Variants in SLC35E2B observed in about 807,000 individuals in gnomAD.
SLC35E2B encodes solute carrier family 35, member E2B.
In SLC35E2B, 18 loss-of-function variants were observed where a neutral mutation model predicts 32.4. The observed-to-expected ratio is 0.56, with a 90% CI of 0.38 to 0.82. The LOEUF (loss-of-function observed/expected upper bound fraction) is 0.82. Ranked by LOEUF, SLC35E2B falls within the 40% of genes least tolerant of loss-of-function variation. The probability of loss-of-function intolerance (pLI) is 0.00; values close to 1 mark genes in which losing one functional copy is unlikely to be tolerated. For synonymous variants in SLC35E2B, 132 were observed against 209.1 expected, an observed-to-expected ratio of 0.63 and a Z score of 3.18; for missense variants, 263 against 469.5, an observed-to-expected ratio of 0.56 and a Z score of 4.06.
chr1:1,686,471 T>C (rs1485376598), intron 2 of SLC35E2B, among the ~76,000 whole-genome samples: 3 of 151,092 alleles, frequency 2.0e-5, no homozygotes, highest in African/African-American at 7.3e-5. Context: ...AGTCTTGTAG[T>C]GAAAAAATAA....
At chr1:1,670,915 G>A (rs775811462) in intron 6 of SLC35E2B, 5 of 152,314 alleles carry the variant, frequency 3.3e-5, no homozygotes, top group Middle Eastern at 3.4e-3. Flanking sequence ...TTAACAGCAC[G>A]GCAGGGAGGT....
In SLC35E2B at chr1:1,661,988, TCCAA is replaced by T. The variant is rs1229592514; in HGVS notation, c.*3790_*3793del. 2.8e-5 allele frequency: 9 copies of T among 323,584 alleles called. No individual in the cohort carries two copies. Among genetic ancestry groups the T allele is most frequent in the African/African-American group, 5.8e-5 (2 of 34,742 alleles). 20.0% of individuals were successfully genotyped at this position (323,584 alleles called of 1,614,324 possible). A position where few individuals can be genotyped will look rare whatever the true frequency, so the allele number is the denominator to read the frequency against. On this transcript the variant is annotated 3_prime_UTR_variant, in exon 10 of 10. Coordinates refer to ENST00000617444, the MANE Select transcript of SLC35E2B (RefSeq NM_001290264.2). Reference sequence around the variant, plus strand: ...AAAAGGACTGCCAGGCGGAACAGTTTCCAACCGAGTTTTCGTTGAGTGAGGATCC... The same window carrying T: ...AAAAGGACTGCCAGGCGGAACAGTTTCCGAGTTTTCGTTGAGTGAGGATCC...
At position 1,665,556 on chromosome 1, in the gene SLC35E2B, G is replaced by A. The variant is rs917479462; in HGVS notation, c.*226C>T. Reference sequence around the variant, plus strand: ...CACATTACACGGGGATGGGCTCGGCGGACACAGTCAGCTACTGGTCTGGTC... The same window carrying A: ...CACATTACACGGGGATGGGCTCGGCAGACACAGTCAGCTACTGGTCTGGTC... On this transcript the variant is annotated 3_prime_UTR_variant, in exon 10 of 10. Coordinates refer to ENST00000617444, the MANE Select transcript of SLC35E2B (RefSeq NM_001290264.2). 22 of 669,358 alleles carry A rather than the reference G, an allele frequency of 3.3e-5. No individual in the cohort carries two copies. The highest frequency in any genetic ancestry group is 5.4e-5 in the African/African-American group (3 of 55,182). The allele number at this position is 669,358 out of a possible 1,614,324, so 41.5% of individuals were successfully genotyped here.
rs138550102 is a variant in SLC35E2B at position 1,671,226 on chromosome 1, C to T, written c.707+283G>A. On this transcript the variant is annotated intron_variant, in intron 6 of 9. Coordinates refer to ENST00000617444, the MANE Select transcript of SLC35E2B (RefSeq NM_001290264.2). ...CCGCATGAAGACACACCGAGCGAGA[C>T]ACACTGCTGAGCGTATCTGCGTATT... 4.3e-4 allele frequency: 105 copies of T among 242,826 alleles called. 2 individuals are homozygous for T. Among genetic ancestry groups the T allele is most frequent in the African/African-American group, 2.1e-3 (96 of 44,822 alleles). 15.0% of individuals were successfully genotyped at this position (242,826 alleles called of 1,614,324 possible). A position where few individuals can be genotyped will look rare whatever the true frequency, so the allele number is the denominator to read the frequency against.
At chr1:1,669,826 C>G in intron 7 of SLC35E2B, 90 bp from the exon 8 acceptor site, 1 of 1,345,418 alleles carries the variant, frequency 7.4e-7, no homozygotes, top group Non-Finnish European at 1.0e-6. Flanking sequence ...CCAGGCACCC[C>G]AGCCCAGAAG....
At chr1:1,689,219 G>A (rs974524686) in intron 2 of SLC35E2B, among the ~76,000 whole-genome samples, 7 of 152,054 alleles carry the variant, frequency 4.6e-5, no homozygotes, top group African/African-American at 1.4e-4. Context: ...GAGGCACCAC[G>A]AGTTGCTGAA....
intron 7 of SLC35E2B, 97 bp downstream of exon 7, chr1:1,669,997 CAGGA>C: frequency 1.7e-6 from 2 of 1,143,286 alleles, no homozygotes; most frequent in East Asian, 5.1e-5. Flanking sequence ...CCAAGCCAGA[CAGGA>C]AGGGAGTCAG....
At chr1:1,688,138 A>G (rs1231908271) in intron 2 of SLC35E2B, among the ~76,000 whole-genome samples, 1 of 152,104 alleles carries the variant, frequency 6.6e-6, no homozygotes, top group East Asian at 1.9e-4. Flanking sequence ...CAGTAAAACA[A>G]CAGCCCACAA....
At chr1:1,668,716 A>T (rs1367351951) in intron 8 of SLC35E2B, among the ~76,000 whole-genome samples, 1 of 152,146 alleles carries the variant, frequency 6.6e-6, no homozygotes, top group East Asian at 1.9e-4. Flanking sequence ...CAAATGGACA[A>T]CAAGCACATG....
Position 1,664,717 on chromosome 1 carries a change from G to A in SLC35E2B, c.*1065C>T, listed in dbSNP as rs1643496615. 8 of 886,706 alleles carry A rather than the reference G, an allele frequency of 9.0e-6. 2 individuals are homozygous for A. The Middle Eastern group carries it at 1.7e-3, about 188-fold the overall frequency. The allele number at this position is 886,706 out of a possible 1,614,324, so 54.9% of individuals were successfully genotyped here. A position where few individuals can be genotyped will look rare whatever the true frequency, so the allele number is the denominator to read the frequency against. Reference sequence around the variant, plus strand: ...AGGGTGGGCGCCTGACACACACCACGCGCCCCAGAAACATTCAGTGTGGAC... The same window carrying A: ...AGGGTGGGCGCCTGACACACACCACACGCCCCAGAAACATTCAGTGTGGAC... On this transcript the variant is annotated 3_prime_UTR_variant, in exon 10 of 10. Coordinates refer to ENST00000617444, the MANE Select transcript of SLC35E2B (RefSeq NM_001290264.2).
intron 2 of SLC35E2B, among the ~76,000 whole-genome samples, chr1:1,681,789 T>C (rs1217335361): frequency 6.7e-6 from 1 of 150,008 alleles, no homozygotes; most frequent in Non-Finnish European, 1.5e-5. Flanking sequence ...ATGGAGACTA[T>C]CCTGACTAAC....
At chr1:1,684,849 T>C (rs1643933006) in intron 2 of SLC35E2B, among the ~76,000 whole-genome samples, 1 of 143,560 alleles carries the variant, frequency 7.0e-6, no homozygotes, top group Non-Finnish European at 1.5e-5. Flanking sequence ...TTCCCACCTG[T>C]AATCCCAGCA....
At chr1:1,669,778 G>T in intron 7 of SLC35E2B, 42 bp from the exon 8 acceptor site, 1 of 1,543,668 alleles carries the variant, frequency 6.5e-7, no homozygotes, top group Non-Finnish European at 8.8e-7. Context: ...TGTCGGGACA[G>T]GCCGAGTTCA....
At position 1,665,941 on chromosome 1, in the gene SLC35E2B, C is replaced by T. The variant is rs371652439; in HGVS notation, c.1059G>A (p.Ser353=). The change falls in exon 10 of 10, where the codon TCG becomes TCA. Residue 353 remains serine (S), a synonymous_variant. Transcript: ENST00000617444. The stretch of plus-strand genomic sequence containing the variant: ...CGGTCACCAGGGCTGTGCCAACGGC[C>T]GACAAGCTGGTGATCTTGTTGCCGA... The part of the protein sequence containing the change: ...IVFGNKITSL[S]AVGTALVTVG... The T allele has an allele frequency of 1.0e-4, 157 of 1,551,514 alleles. No homozygotes were observed. Among genetic ancestry groups the T allele is most frequent in the South Asian group, 2.6e-4 (22 of 84,056 alleles).
At position 1,677,252 on chromosome 1, in the gene SLC35E2B, A is replaced by G. The variant is rs1177671088; in HGVS notation, c.-147-406T>C. On this transcript the variant is annotated intron_variant, in intron 2 of 9. Transcript: ENST00000617444. ...CAAGAAAAGAAAAAAAGAAAATGCA[A>G]TCGTTCACTGTCCAAAGATTTTTAG... Among the ~76,000 whole-genome samples the G allele has an allele frequency of 3.7e-5, 5 of 136,154 alleles. No individual in the cohort carries two copies. In the Admixed American group the frequency reaches 3.8e-4, roughly 10 times the overall value. 89.3% of individuals were successfully genotyped at this position (136,154 alleles called of 152,430 possible). A position where few individuals can be genotyped will look rare whatever the true frequency, so the allele number is the denominator to read the frequency against.
In SLC35E2B at chr1:1,683,992, C is replaced by T. The variant is rs969812218; in HGVS notation, c.-148+6984G>A. 3.3e-5 allele frequency among the ~76,000 whole-genome samples: 5 copies of T among 152,146 alleles called. No individual in the cohort carries two copies. The East Asian group carries it at 7.7e-4, about 23-fold the overall frequency. ...AAGTCAAACCTTCATGTTTGGCCAG[C>T]GGCGGTGGCCCACACCTAGAACCCC... On this transcript the variant is annotated intron_variant, in intron 2 of 9. Coordinates refer to ENST00000617444, the MANE Select transcript of SLC35E2B (RefSeq NM_001290264.2).
At chr1:1,668,534 A>G in intron 8 of SLC35E2B, 62 bp from the exon 9 acceptor site, 1 of 1,613,696 alleles carries the variant, frequency 6.2e-7, no homozygotes, top group Non-Finnish European at 8.5e-7. Flanking sequence ...ATCATCCACC[A>G]AAAACGCCCA....
chr1:1,692,301 A>G (rs1293724983), intron 1 of SLC35E2B, 148 bp downstream of exon 1: 1 of 713,878 alleles, frequency 1.4e-6, no homozygotes, highest in Non-Finnish European at 1.7e-6. Flanking sequence ...GCCATAGGAA[A>G]GGACCCCCAG....
chr1:1,662,940 T>C lies in SLC35E2B; in HGVS notation c.*2842A>G, dbSNP rs1643442927. 1 of 891,116 alleles carries C rather than the reference T, an allele frequency of 1.1e-6. No individual in the cohort carries two copies. Among genetic ancestry groups the C allele is most frequent in the Non-Finnish European group, 1.3e-6 (1 of 742,388 alleles). 55.2% of individuals were successfully genotyped at this position (891,116 alleles called of 1,614,324 possible). ...TATTACACAAAGTTATTTTAAAAAATGTCTGTACAATCGTTAACACGGCCA... is the reference window on the plus strand; with the variant it reads ...TATTACACAAAGTTATTTTAAAAAACGTCTGTACAATCGTTAACACGGCCA... On this transcript the variant is annotated 3_prime_UTR_variant, in exon 10 of 10. Transcript: ENST00000617444.
Sources: allele counts gnomAD v4.1 joint callset (sites outside exome capture counted in the v4.1 genomes callset), GRCh38; gene constraint gnomAD v4.1.1; transcripts MANE v1.5; gene names NCBI Gene and HGNC (gene_info 2026-07-23, HGNC 2026-07-21).